Variants in DPP10 observed in about 807,000 individuals in gnomAD.
DPP10 encodes the protein dipeptidyl peptidase like 10.
A neutral mutation model predicts 120.9 loss-of-function variants in DPP10; 33 were observed. The ratio of observed to expected loss-of-function variants is 0.27; its 90% CI spans 0.21 to 0.37. The LOEUF is 0.37. DPP10 is among the 10% of genes least tolerant of loss of function. DPP10 has a pLI of 1.00. For synonymous variants in DPP10, 337 were observed against 326.1 expected (o/e 1.03, Z -0.36); for missense variants, 816 against 942.8 (o/e 0.87, Z 1.76).
At position 114,481,963 on chromosome 2, in the gene DPP10, A is replaced by AGAG. The variant is rs566055734; in HGVS notation, c.60+39126_60+39128dup. On this transcript the variant is annotated intron_variant, in intron 1 of 25. Coordinates refer to ENST00000410059, the MANE Select transcript of DPP10 (RefSeq NM_020868.6). Reference sequence around the variant, plus strand: ...GAAGGAGAAGAGAGGAGGAGAGGAGAGAGAGAGAGAGGAGAGAAAGAAAGA... The same window carrying AGAG: ...GAAGGAGAAGAGAGGAGGAGAGGAGAGAGGAGAGAGAGAGGAGAGAAAGAAAGA... Among the ~76,000 whole-genome samples, 92 of 142,012 alleles carry AGAG rather than the reference A, an allele frequency of 6.5e-4. 2 individuals carry two copies. The highest frequency in any genetic ancestry group is 2.7e-3 in the African/African-American group (91 of 33,870). The allele number at this position is 142,012 out of a possible 152,430, so 93.2% of individuals were successfully genotyped here.
At chr2:114,524,135 T>C (rs1685296082) in intron 1 of DPP10, among the ~76,000 whole-genome samples, 2 of 152,186 alleles carry the variant, frequency 1.3e-5, no homozygotes, top group African/African-American at 4.8e-5. Flanking sequence ...CTTTAGCAAA[T>C]GTGGATGTAG....
intron 1 of DPP10, among the ~76,000 whole-genome samples, chr2:114,948,006 T>G (rs1264046399): frequency 1.3e-5 from 2 of 152,108 alleles, no homozygotes; most frequent in African/African-American, 2.4e-5. Flanking sequence ...TTATTGGTCA[T>G]TAATCCTTCA....
At position 114,772,226 on chromosome 2, in the gene DPP10, C is replaced by T. The variant is rs184328537; in HGVS notation, c.60+329388C>T. On this transcript the variant is annotated intron_variant, in intron 1 of 25. Coordinates refer to ENST00000410059, the MANE Select transcript of DPP10 (RefSeq NM_020868.6). ...AGGCTGGAGTGCAGTGGCATAATCT[C>T]GGCTCACTGCAACCTCTGCCTCCCA... is the stretch of plus-strand genomic sequence containing the variant. Among the ~76,000 whole-genome samples, 1,102 of 151,948 alleles carry T rather than the reference C, an allele frequency of 7.3e-3. 6 individuals are homozygous for T. Among genetic ancestry groups the T allele is most frequent in the Middle Eastern group, 0.017 (5 of 292 alleles).
intron 5 of DPP10, among the ~76,000 whole-genome samples, chr2:115,603,570 G>GTTTTTTTTTTTTTTTTTTTTTTT (rs61548055): frequency 1.0e-5 from 1 of 99,286 alleles, no homozygotes; most frequent in Non-Finnish European, 2.2e-5. Flanking sequence ...GTTTTTTTTT[G>GTTTTTTTTTTTTTTTTTTTTTTT]TTTTTTTTTT....
chr2:114,857,268 G>A (rs1433919857), intron 1 of DPP10, among the ~76,000 whole-genome samples: 1 of 152,092 alleles, frequency 6.6e-6, no homozygotes, highest in Non-Finnish European at 1.5e-5. Flanking sequence ...CTGTAGTATA[G>A]AAAAACAAAA....
chr2:114,715,107 C>T (rs1701267826), intron 1 of DPP10, among the ~76,000 whole-genome samples: 1 of 152,014 alleles, frequency 6.6e-6, no homozygotes, highest in Admixed American at 6.6e-5. Flanking sequence ...ATTACAGGAC[C>T]ATAAATCTTT....
At chr2:115,713,295 T>C (rs10496501) in intron 7 of DPP10, among the ~76,000 whole-genome samples, 12,922 of 151,900 alleles carry the variant, frequency 0.085, 679 homozygotes, top group Non-Finnish European at 0.11. Context: ...TCAGAAGAGA[T>C]TGAATTGAGA....
At chr2:115,026,694 G>T (rs1703485235) in intron 1 of DPP10, among the ~76,000 whole-genome samples, 8 of 151,938 alleles carry the variant, frequency 5.3e-5, no homozygotes, top group Admixed American at 4.6e-4. Context: ...GCACCACCAT[G>T]CCTGGCTAAT....
At chr2:115,481,210 C>G (rs2075405608) in intron 3 of DPP10, among the ~76,000 whole-genome samples, 1 of 152,058 alleles carries the variant, frequency 6.6e-6, no homozygotes, top group African/African-American at 2.4e-5. Context: ...TACTCATATG[C>G]CCCTTTCAAC....
intron 1 of DPP10, among the ~76,000 whole-genome samples, chr2:115,284,790 G>T (rs2060298207): frequency 6.6e-6 from 1 of 151,900 alleles, no homozygotes; most frequent in Non-Finnish European, 1.5e-5. Context: ...GGGATAAAGG[G>T]ATGTGTTTTC....
At chr2:114,849,032 A>G (rs2106479023) in intron 1 of DPP10, among the ~76,000 whole-genome samples, 1 of 152,294 alleles carries the variant, frequency 6.6e-6, no homozygotes, top group Non-Finnish European at 1.5e-5. Flanking sequence ...CATTCATGAG[A>G]GCACTGCAAT....
chr2:115,479,899 G>A (rs1285448001), intron 3 of DPP10, among the ~76,000 whole-genome samples: 4 of 152,116 alleles, frequency 2.6e-5, no homozygotes, highest in Non-Finnish European at 5.9e-5. Context: ...AGAAGCAGTG[G>A]CATGCACCTT....
At chr2:115,754,122 T>A (rs1679096469) in intron 11 of DPP10, among the ~76,000 whole-genome samples, 1 of 152,120 alleles carries the variant, frequency 6.6e-6, no homozygotes, top group African/African-American at 2.4e-5. Flanking sequence ...GACTTTCTAT[T>A]CACAACACTT....
At chr2:115,791,044 G>A (rs1490980248) in intron 17 of DPP10, 37 bp from the exon 18 acceptor site, 2 of 1,464,244 alleles carry the variant, frequency 1.4e-6, no homozygotes, top group Non-Finnish European at 1.9e-6. Context: ...TTAATGCATA[G>A]GGGTTAGCTA....
intron 2 of DPP10, among the ~76,000 whole-genome samples, chr2:115,331,960 T>G (rs965974686): frequency 6.6e-6 from 1 of 152,046 alleles, no homozygotes; most frequent in Non-Finnish European, 1.5e-5. Context: ...GGGAGGATTC[T>G]CTCTTTTTCT....
rs368043470 is a variant in DPP10 at position 114,988,485 on chromosome 2, A to AT, written c.61-320746dup. 3.8e-3 allele frequency among the ~76,000 whole-genome samples: 584 copies of AT among 152,054 alleles called. 6 individuals are homozygous for AT. The highest frequency in any genetic ancestry group is 0.013 in the African/African-American group (552 of 41,462). On this transcript the variant is annotated intron_variant, in intron 1 of 25. Transcript: ENST00000410059. ...TCAGGACCTTACCCCATAAATTATCATTTTTTTTCTCATCTACTGCTAATT... is the reference window on the plus strand; with the variant it reads ...TCAGGACCTTACCCCATAAATTATCATTTTTTTTTCTCATCTACTGCTAATT...
In DPP10 at chr2:115,061,269, G is replaced by T. The variant is rs550631719; in HGVS notation, c.61-247970G>T. On this transcript the variant is annotated intron_variant, in intron 1 of 25. Transcript: ENST00000410059. ...CTGTGGGATCTTCTGGGAAAACTTT[G>T]ATATTTTGACTATTCGTTATTAAAA... is the stretch of plus-strand genomic sequence containing the variant. Among the ~76,000 whole-genome samples the T allele has an allele frequency of 1.2e-3, 182 of 152,218 alleles. 1 individual carries two copies. In the Middle Eastern group the frequency reaches 0.014, roughly 11 times the overall value.
At chr2:115,514,081 A>C (rs1040559804) in intron 4 of DPP10, among the ~76,000 whole-genome samples, 1 of 151,906 alleles carries the variant, frequency 6.6e-6, no homozygotes, top group Non-Finnish European at 1.5e-5. Context: ...GAAGACGTCA[A>C]CCTAAATCTC....
chr2:115,128,734 T>C (rs1021472619), intron 1 of DPP10, among the ~76,000 whole-genome samples: 11 of 152,212 alleles, frequency 7.2e-5, no homozygotes, highest in African/African-American at 2.7e-4. Flanking sequence ...CCATATTTTC[T>C]AGTAGAATAA....
Sources: allele counts gnomAD v4.1 joint callset (sites outside exome capture counted in the v4.1 genomes callset), GRCh38; gene constraint gnomAD v4.1.1; transcripts MANE v1.5; gene names NCBI Gene and HGNC (gene_info 2026-07-23, HGNC 2026-07-21).